The following ASTN2 variants were observed in gnomAD, a reference collection of about 807,000 sequenced individuals.
ASTN2 encodes astrotactin-2.
A neutral mutation model predicts 139.8 loss-of-function variants in ASTN2; 54 were observed. That is an observed-to-expected ratio of 0.39 (90% confidence interval 0.31 to 0.48). The LOEUF (loss-of-function observed/expected upper bound fraction) is 0.48. ASTN2 is among the 20% of genes least tolerant of loss of function. ASTN2 has a pLI of 0.95. For missense variants in ASTN2, 1,565 were observed against 1,725.1 expected (o/e 0.91, Z 1.64); for synonymous variants, 756 against 719.5 (o/e 1.05, Z -0.81).
At chr9:116,521,515 A>C (rs1850872144) in intron 19 of ASTN2, among the ~76,000 whole-genome samples, 1 of 152,190 alleles carries the variant, frequency 6.6e-6, no homozygotes, top group Non-Finnish European at 1.5e-5. Context: ...TCCGGGACTT[A>C]AACCTAAGAC....
intron 7 of ASTN2, among the ~76,000 whole-genome samples, chr9:116,992,729 A>T (rs1005764135): frequency 1.2e-4 from 19 of 152,168 alleles, no homozygotes; most frequent in Admixed American, 3.9e-4. Context: ...TGGGGGACAC[A>T]CAACGAGCAG....
chr9:117,001,188 GC>G (rs1837181224), intron 7 of ASTN2, among the ~76,000 whole-genome samples: 2 of 152,268 alleles, frequency 1.3e-5, no homozygotes, highest in Non-Finnish European at 2.9e-5. Flanking sequence ...ATCCAGAAAA[GC>G]TTTAAGGAAT....
chr9:116,562,547 G>A (rs940055491), intron 19 of ASTN2, among the ~76,000 whole-genome samples: 1 of 151,384 alleles, frequency 6.6e-6, no homozygotes, highest in Non-Finnish European at 1.5e-5. Context: ...GACCAGCCTG[G>A]CCAACATGGC....
At chr9:116,710,622 T>C (rs1043830493) in intron 16 of ASTN2, among the ~76,000 whole-genome samples, 1 of 149,368 alleles carries the variant, frequency 6.7e-6, no homozygotes, top group Non-Finnish European at 1.5e-5. Context: ...TCCCAGCTAC[T>C]CGGGGAAGTC....
intron 10 of ASTN2, among the ~76,000 whole-genome samples, chr9:116,886,744 T>C (rs1833608222): frequency 6.6e-6 from 1 of 152,158 alleles, no homozygotes; most frequent in African/African-American, 2.4e-5. Context: ...ATATTTTTTT[T>C]ATTGAGCATC....
intron 16 of ASTN2, among the ~76,000 whole-genome samples, chr9:116,676,653 A>C (rs926282684): frequency 1.3e-5 from 2 of 152,228 alleles, no homozygotes; most frequent in Non-Finnish European, 2.9e-5. Context: ...GAGCAGTTAA[A>C]AGCCTTGCAA....
In ASTN2 at chr9:116,441,126, A is replaced by G. The variant is rs537178955; in HGVS notation, c.3599-334T>C. Among the ~76,000 whole-genome samples, 5 of 152,302 alleles carry G rather than the reference A, an allele frequency of 3.3e-5. No individual in the cohort carries two copies. In the East Asian group the frequency reaches 9.7e-4, roughly 29 times the overall value. Reference sequence around the variant, plus strand: ...AATTATTGTACCTGTGATTTTACATACAATTGGCTTAAATAAATTGTCTTG... The same window carrying G: ...AATTATTGTACCTGTGATTTTACATGCAATTGGCTTAAATAAATTGTCTTG... On this transcript the variant is annotated intron_variant, in intron 21 of 22. Coordinates refer to ENST00000313400, the MANE Select transcript of ASTN2 (RefSeq NM_001365068.1).
At chr9:117,233,231 G>C (rs1015096531) in intron 2 of ASTN2, among the ~76,000 whole-genome samples, 1 of 152,170 alleles carries the variant, frequency 6.6e-6, no homozygotes, top group Non-Finnish European at 1.5e-5. Context: ...TCCCCCAAGC[G>C]AGCATGTGTT....
At chr9:116,835,496 A>G (rs1854026) in intron 11 of ASTN2, among the ~76,000 whole-genome samples, 36,049 of 152,094 alleles carry the variant, frequency 0.24, 4,906 homozygotes, top group East Asian at 0.5. Flanking sequence ...TGAATAGGAA[A>G]CATTTGTTGT....
At chr9:116,930,894 A>G (rs548076847) in intron 10 of ASTN2, among the ~76,000 whole-genome samples, 59 of 152,040 alleles carry the variant, frequency 3.9e-4, no homozygotes, top group Non-Finnish European at 7.1e-4. Context: ...TCCTTCACCA[A>G]TGCTTCGGAA....
intron 19 of ASTN2, among the ~76,000 whole-genome samples, chr9:116,512,007 G>C (rs1419515477): frequency 6.6e-6 from 1 of 152,042 alleles, no homozygotes; most frequent in Admixed American, 6.6e-5. Flanking sequence ...AACTCCTTCA[G>C]TCCTGCTCTG....
chr9:117,126,161 G>T (rs1159746151), intron 4 of ASTN2, among the ~76,000 whole-genome samples: 1 of 152,094 alleles, frequency 6.6e-6, no homozygotes, highest in Non-Finnish European at 1.5e-5. Flanking sequence ...GAGTAATTAG[G>T]ATATTCAGTA....
At chr9:116,831,107 T>C (rs1831800591) in intron 11 of ASTN2, among the ~76,000 whole-genome samples, 1 of 151,984 alleles carries the variant, frequency 6.6e-6, no homozygotes, top group Non-Finnish European at 1.5e-5. Context: ...AAGTCAAATA[T>C]GACATGTTCT....
chr9:116,997,040 C>A (rs964411629), intron 7 of ASTN2, among the ~76,000 whole-genome samples: 1 of 152,124 alleles, frequency 6.6e-6, no homozygotes, highest in Admixed American at 6.6e-5. Flanking sequence ...CTGAGGCTAC[C>A]TTCTTCCTAT....
At chr9:116,891,878 T>A (rs1309241287) in intron 10 of ASTN2, among the ~76,000 whole-genome samples, 1 of 152,194 alleles carries the variant, frequency 6.6e-6, no homozygotes, top group East Asian at 1.9e-4. Context: ...AATGAATTGA[T>A]ACAAACAAAG....
intron 22 of ASTN2, among the ~76,000 whole-genome samples, chr9:116,428,795 A>T (rs1847395870): frequency 6.6e-6 from 1 of 152,164 alleles, no homozygotes; most frequent in Non-Finnish European, 1.5e-5. Context: ...CTTGTCCCTC[A>T]GTTTTCTTAC....
intron 20 of ASTN2, among the ~76,000 whole-genome samples, chr9:116,461,739 A>G (rs534771226): frequency 3.6e-4 from 55 of 152,038 alleles, no homozygotes; most frequent in African/African-American, 1.3e-3. Flanking sequence ...TGACTGTTGG[A>G]ATAGAGCTTC....
Position 116,744,386 on chromosome 9 carries a change from G to A in ASTN2, c.2397-10863C>T, listed in dbSNP as rs373304514. Among the ~76,000 whole-genome samples the A allele has an allele frequency of 9.9e-5, 15 of 152,270 alleles. 2 individuals carry two copies. The highest frequency in any genetic ancestry group is 3.9e-4 in the Admixed American group (6 of 15,304). ...TAAGGGTAAGGAGACCCACTGTAGG[G>A]TATTCAGCAGGAAAGCAAAACCATC... is the stretch of plus-strand genomic sequence containing the variant. On this transcript the variant is annotated intron_variant, in intron 13 of 22. Coordinates refer to ENST00000313400, the MANE Select transcript of ASTN2 (RefSeq NM_001365068.1).
At position 117,414,399 on chromosome 9, in the gene ASTN2, G is replaced by A. The variant is rs1035779029; in HGVS notation, c.442+98C>T. 1 of 1,545,442 alleles carries A rather than the reference G, an allele frequency of 6.5e-7. No individual in the cohort carries two copies. Among genetic ancestry groups the A allele is most frequent in the Non-Finnish European group, 8.7e-7 (1 of 1,146,352 alleles). ...CCCTCTGCCAACCCCACTCGGGGCA[G>A]CCCCGGGCAGGGATCCCCAGGGCGC... On this transcript the variant is annotated intron_variant, in intron 1 of 22. Coordinates refer to ENST00000313400, the MANE Select transcript of ASTN2 (RefSeq NM_001365068.1). This position sits in a 1 kb window ranked among gnomAD's most constrained non-coding sequence, Gnocchi z 4.2.
Sources: gnomAD v4.1 joint callset for allele counts (sites outside exome capture counted in the v4.1 genomes callset) on GRCh38, gnomAD v4.1.1 for gene constraint, Gnocchi (gnomAD v3.1) non-coding constraint, MANE v1.5 for transcripts, NCBI Gene and HGNC (gene_info 2026-07-23, HGNC 2026-07-21) for gene names.